Variants in SASH1 observed in about 807,000 individuals in gnomAD.
The protein encoded by SASH1 is SAM and SH3 domain containing 1, also known as SAM and SH3 domain-containing protein 1.
SASH1 carries 44 observed loss-of-function variants against 125.2 expected under a neutral mutation model. The ratio of observed to expected loss-of-function variants is 0.35; its 90% CI spans 0.28 to 0.45. The LOEUF (loss-of-function observed/expected upper bound fraction) is 0.45. SASH1 is among the 20% of genes least tolerant of loss of function. The probability of loss-of-function intolerance (pLI) is 1.00; values close to 1 mark genes in which losing one functional copy is unlikely to be tolerated. For synonymous variants in SASH1, 639 were observed against 649.1 expected, an observed-to-expected ratio of 0.98 and a Z score of 0.24; for missense variants, 1,426 against 1,614.5, an observed-to-expected ratio of 0.88 and a Z score of 2.00.
chr6:148,219,816 T>C, the SASH1 span, among the ~76,000 whole-genome samples: 1 of 152,114 alleles, frequency 6.6e-6, no homozygotes, highest in South Asian at 2.1e-4. Flanking sequence ...GGCCTGGGTG[T>C]TTCCCCACGT....
At chr6:148,523,877 A>G (rs1780964643) in intron 10 of SASH1, among the ~76,000 whole-genome samples, 1 of 152,154 alleles carries the variant, frequency 6.6e-6, no homozygotes, top group African/African-American at 2.4e-5. Flanking sequence ...CAGCATTCAT[A>G]GAGTGTCTGC....
intron 1 of SASH1, among the ~76,000 whole-genome samples, chr6:148,320,981 C>T (rs1270657844): frequency 6.6e-6 from 1 of 152,204 alleles, no homozygotes; most frequent in Non-Finnish European, 1.5e-5. Context: ...TTCCATAATG[C>T]CTCAAGGCTG....
At chr6:148,263,992 G>A in the SASH1 span, among the ~76,000 whole-genome samples, 5 of 152,032 alleles carry the variant, frequency 3.3e-5, no homozygotes, top group Admixed American at 6.5e-5. Context: ...CCTAGGTGTC[G>A]TTTTGTTTAT....
chr6:148,270,984 A>G (rs1779048964), upstream of SASH1, among the ~76,000 whole-genome samples: 1 of 144,890 alleles, frequency 6.9e-6, no homozygotes, highest in Admixed American at 7.5e-5. Flanking sequence ...ATCTTGGCTC[A>G]CTGCAACCTC....
intron 4 of SASH1, among the ~76,000 whole-genome samples, chr6:148,444,419 T>G (rs1002989065): frequency 2.0e-5 from 3 of 152,204 alleles, no homozygotes; most frequent in African/African-American, 4.8e-5. Context: ...CTATTGTGGA[T>G]GCCCCTGCCA....
At chr6:148,317,851 C>G (rs1232449640) in intron 1 of SASH1, among the ~76,000 whole-genome samples, 1 of 152,188 alleles carries the variant, frequency 6.6e-6, no homozygotes, top group Non-Finnish European at 1.5e-5. Context: ...TATAATATCT[C>G]AACCTTTAGC....
chr6:148,290,874 T>TAA (rs11437068), intron 1 of SASH1, among the ~76,000 whole-genome samples: 3 of 109,132 alleles, frequency 2.7e-5, no homozygotes, highest in African/African-American at 8.9e-5. Flanking sequence ...CAATAAATAC[T>TAA]AAAAAAAAGT....
rs28488685 is a variant in SASH1 at position 148,549,556 on chromosome 6, C to T, written c.*998C>T. ...ATCCCAAAATTCAGTCCTCAGTTAA[C>T]GGATCATGTTTGCAAAAGGTCACTG... On this transcript the variant is annotated 3_prime_UTR_variant, in exon 20 of 20. Coordinates refer to ENST00000367467, the MANE Select transcript of SASH1 (RefSeq NM_015278.5). 1.0e-5 allele frequency: 4 copies of T among 398,594 alleles called. No individual in the cohort carries two copies. Among genetic ancestry groups the T allele is most frequent in the Admixed American group, 4.4e-5 (1 of 22,690 alleles). 24.7% of individuals were successfully genotyped at this position (398,594 alleles called of 1,614,324 possible). A position where few individuals can be genotyped will look rare whatever the true frequency, so the allele number is the denominator to read the frequency against.
chr6:148,519,842 C>T lies in SASH1; in HGVS notation c.1158C>T (p.Arg386=). The T allele has an allele frequency of 1.2e-6, 2 of 1,608,050 alleles. No homozygotes were observed. The highest frequency in any genetic ancestry group is 4.5e-5 in the East Asian group (2 of 44,610). ...PEEEKAQKVS[R]SLTEGEMKKG... ...AAGAAAAGGCCCAGAAAGTGTCCCGCTCCCTCACCGAGGGGGAGATGAAGA... is the reference window on the plus strand; with the variant it reads ...AAGAAAAGGCCCAGAAAGTGTCCCGTTCCCTCACCGAGGGGGAGATGAAGA... Residue 386 remains arginine (R), a synonymous_variant, in exon 10 of 20, where the codon CGC becomes CGT. Coordinates refer to ENST00000367467, the MANE Select transcript of SASH1 (RefSeq NM_015278.5). This position sits in a 1 kb window ranked among gnomAD's most constrained non-coding sequence, Gnocchi z 4.8.
At chr6:148,368,770 G>GCGCACA (rs1554245330) in intron 1 of SASH1, among the ~76,000 whole-genome samples, 122 of 135,732 alleles carry the variant, frequency 9.0e-4, no homozygotes, top group African/African-American at 2.2e-3. Flanking sequence ...GCACGCGCGC[G>GCGCACA]CACACACACA....
At chr6:148,462,445 A>C (rs1777656782) in intron 4 of SASH1, among the ~76,000 whole-genome samples, 2 of 152,074 alleles carry the variant, frequency 1.3e-5, no homozygotes, top group Non-Finnish European at 2.9e-5. Flanking sequence ...AACGAGATAG[A>C]GTTGTCTTTG....
chr6:148,309,329 G>A (rs6902928), intron 1 of SASH1, among the ~76,000 whole-genome samples: 40,692 of 151,946 alleles, frequency 0.27, 5,629 homozygotes, highest in South Asian at 0.35. Flanking sequence ...GCCCTCTGTG[G>A]GTTACAGAAA....
At position 148,471,445 on chromosome 6, in the gene SASH1, G is replaced by A. The variant is rs1424311616; in HGVS notation, c.456G>A (p.Lys152=). The A allele has an allele frequency of 3.5e-6, 3 of 865,394 alleles. No individual in the cohort carries two copies. Among genetic ancestry groups the A allele is most frequent in the East Asian group, 4.4e-5 (1 of 22,688 alleles). 53.6% of individuals were successfully genotyped at this position (865,394 alleles called of 1,614,324 possible). The change falls in exon 6 of 20, where the codon AAG becomes AAA. Residue 152 remains lysine (K), a synonymous_variant. Transcript: ENST00000367467. ...AAGGAGACTGGAAGAAGAAAAATAAGTATTTCTGGCAGAACTTCCGAAAGA... is the reference window on the plus strand; with the variant it reads ...AAGGAGACTGGAAGAAGAAAAATAAATATTTCTGGCAGAACTTCCGAAAGA... The part of the protein sequence containing the change: ...VGKGDWKKKN[K]YFWQNFRKNQ...
chr6:148,214,703 C>G, the SASH1 span, among the ~76,000 whole-genome samples: 1 of 152,168 alleles, frequency 6.6e-6, no homozygotes, highest in Admixed American at 6.5e-5. Flanking sequence ...TTTGGTATTT[C>G]TCTCAGCTCT....
At chr6:148,356,365 A>T (rs977489799) in intron 1 of SASH1, among the ~76,000 whole-genome samples, 1 of 150,660 alleles carries the variant, frequency 6.6e-6, no homozygotes, top group Non-Finnish European at 1.5e-5. Context: ...GATTACAGGC[A>T]TGAGCCACCA....
intron 10 of SASH1, among the ~76,000 whole-genome samples, chr6:148,523,853 G>T (rs536196421): frequency 2.0e-4 from 31 of 152,170 alleles, no homozygotes; most frequent in Non-Finnish European, 4.1e-4. Flanking sequence ...TTAATGAAAA[G>T]TAGTGGAAGA....
At chr6:148,468,755 A>G (rs1339075110) in intron 5 of SASH1, 170 bp downstream of exon 5, 4 of 537,384 alleles carry the variant, frequency 7.4e-6, no homozygotes, top group African/African-American at 5.8e-5. Flanking sequence ...TTAAAAAAAT[A>G]TAATTGTGAT....
chr6:148,340,288 G>C (rs1781282842), upstream of SASH1, among the ~76,000 whole-genome samples: 1 of 151,898 alleles, frequency 6.6e-6, no homozygotes, highest in African/African-American at 2.4e-5. Flanking sequence ...TTCGAGACCA[G>C]CCTGACCAAT....
the SASH1 span, among the ~76,000 whole-genome samples, chr6:148,230,348 TC>T: frequency 4.6e-5 from 7 of 152,070 alleles, no homozygotes; most frequent in East Asian, 1.2e-3. Context: ...CTTTTTCTTT[TC>T]TTTTTTTTTT....
Sources: gnomAD v4.1 joint callset for allele counts (sites outside exome capture counted in the v4.1 genomes callset) on GRCh38, gnomAD v4.1.1 for gene constraint, Gnocchi (gnomAD v3.1) non-coding constraint, MANE v1.5 for transcripts, NCBI Gene and HGNC (gene_info 2026-07-23, HGNC 2026-07-21) for gene names.